FNIP1: variants seen among roughly 807,000 people sequenced by gnomAD.
FNIP1 encodes folliculin interacting protein 1.
FNIP1 carries 40 observed loss-of-function variants against 124.5 expected under a neutral mutation model. That is an observed-to-expected ratio of 0.32 (90% CI 0.25 to 0.42). The LOEUF (loss-of-function observed/expected upper bound fraction) is 0.42. FNIP1 is among the 10% of genes least tolerant of loss of function. The probability of loss-of-function intolerance (pLI) is 1.00; values close to 1 mark genes in which losing one functional copy is unlikely to be tolerated. For missense variants in FNIP1, 1,176 were observed against 1,403.7 expected (o/e 0.84, Z 2.59); for synonymous variants, 472 against 470.6 (o/e 1.00, Z -0.04).
At chr5:131,771,073 C>T (rs535334362) in intron 1 of FNIP1, among the ~76,000 whole-genome samples, 5 of 152,120 alleles carry the variant, frequency 3.3e-5, no homozygotes, top group Admixed American at 1.3e-4. Context: ...TATCTCCCAA[C>T]GCTATCCCTC....
At chr5:131,789,253 C>G (rs919164555) in intron 1 of FNIP1, among the ~76,000 whole-genome samples, 2 of 152,000 alleles carry the variant, frequency 1.3e-5, no homozygotes, top group South Asian at 2.1e-4. Flanking sequence ...TTACAAGAGG[C>G]TGGGACGTGT....
intron 11 of FNIP1, among the ~76,000 whole-genome samples, chr5:131,693,317 C>CATATATATATATACATATATATATATAT (rs1561658252): frequency 2.4e-5 from 1 of 41,594 alleles, no homozygotes; most frequent in African/African-American, 8.9e-5. Flanking sequence ...TATATATATA[C>CATATATATATATACATATATATATATAT]ACATATATAT....
intron 13 of FNIP1, among the ~76,000 whole-genome samples, chr5:131,676,684 A>C (rs1477864104): frequency 1.3e-5 from 2 of 152,096 alleles, no homozygotes; most frequent in Non-Finnish European, 2.9e-5. Flanking sequence ...ATTTGATCCC[A>C]GGGAAATTGG....
At chr5:131,695,011 AC>A in intron 11 of FNIP1, among the ~76,000 whole-genome samples, 1 of 152,036 alleles carries the variant, frequency 6.6e-6, no homozygotes, top group East Asian at 1.9e-4. Context: ...AGGCTGAGGC[AC>A]ATAATCACTT....
chr5:131,690,621 C>T (rs1265123368), intron 11 of FNIP1, among the ~76,000 whole-genome samples: 1 of 152,172 alleles, frequency 6.6e-6, no homozygotes, highest in African/African-American at 2.4e-5. Context: ...CCTCCACAGC[C>T]ATGCTGAACT....
In FNIP1 at chr5:131,672,719, T is replaced by C. The variant is rs760993152; in HGVS notation, c.1725A>G (p.Lys575=). 1 of 1,613,552 alleles carries C rather than the reference T, an allele frequency of 6.2e-7. No individual in the cohort carries two copies. The highest frequency in any genetic ancestry group is 1.3e-5 in the African/African-American group (1 of 74,894). The change falls in exon 14 of 18, where the codon AAA becomes AAG. Residue 575 remains lysine (K), a synonymous_variant. Coordinates refer to ENST00000510461, the MANE Select transcript of FNIP1 (RefSeq NM_133372.3). ...PGTVITTTLE[K]GEIEESEYVL... ...CATACTCTGATTCTTCTATTTCACC[T>C]TTCTCTAAAGTGGTAGTAATTACTG...
chr5:131,748,885 G>GTTA (rs1770775500), intron 1 of FNIP1, among the ~76,000 whole-genome samples: 1 of 152,052 alleles, frequency 6.6e-6, no homozygotes, highest in African/African-American at 2.4e-5. Flanking sequence ...TTCCATGTGT[G>GTTA]TTATTACTCC....
At chr5:131,703,073 C>T (rs553999125) in intron 10 of FNIP1, among the ~76,000 whole-genome samples, 1 of 152,328 alleles carries the variant, frequency 6.6e-6, no homozygotes, top group South Asian at 2.1e-4. Flanking sequence ...TACCCATCTT[C>T]CTTTATCAAA....
intron 15 of FNIP1, among the ~76,000 whole-genome samples, chr5:131,654,934 T>A (rs1767148025): frequency 1.3e-5 from 2 of 152,246 alleles, no homozygotes; most frequent in South Asian, 4.1e-4. Context: ...ATTCAAATAT[T>A]TATTCATCTC....
At chr5:131,708,494 G>A (rs929230000) in intron 8 of FNIP1, among the ~76,000 whole-genome samples, 3 of 152,086 alleles carry the variant, frequency 2.0e-5, no homozygotes, top group Non-Finnish European at 4.4e-5. Flanking sequence ...CTGGATAACT[G>A]CTATTTATTT....
chr5:131,746,191 A>C (rs1212768760), intron 1 of FNIP1, among the ~76,000 whole-genome samples: 2 of 152,214 alleles, frequency 1.3e-5, no homozygotes, highest in South Asian at 4.1e-4. Context: ...ACACAATACA[A>C]ATGACAGGAC....
chr5:131,687,175 G>A (rs752932396), intron 11 of FNIP1, among the ~76,000 whole-genome samples: 4 of 149,786 alleles, frequency 2.7e-5, no homozygotes, highest in Admixed American at 1.3e-4. Flanking sequence ...GCACAATCTC[G>A]GCTCACTGTA....
chr5:131,753,713 T>C (rs1450925826), intron 1 of FNIP1, among the ~76,000 whole-genome samples: 1 of 152,222 alleles, frequency 6.6e-6, no homozygotes, highest in Non-Finnish European at 1.5e-5. Context: ...ATACATTTTA[T>C]TATATGCAAA....
At chr5:131,718,905 C>T (rs903460065) in intron 5 of FNIP1, 81 bp downstream of exon 5, 2 of 1,122,826 alleles carry the variant, frequency 1.8e-6, no homozygotes, top group South Asian at 1.4e-5. Flanking sequence ...ACTTGTGCTG[C>T]AGTCCTAAAA....
intron 4 of FNIP1, 125 bp downstream of exon 4, chr5:131,719,192 C>G: frequency 8.7e-7 from 1 of 1,146,420 alleles, no homozygotes; most frequent in South Asian, 1.4e-5. Context: ...AGCATTAAAA[C>G]CATAGAACAT....
chr5:131,786,732 T>A (rs1004996391), intron 1 of FNIP1, among the ~76,000 whole-genome samples: 1 of 152,196 alleles, frequency 6.6e-6, no homozygotes, highest in Non-Finnish European at 1.5e-5. Flanking sequence ...TAAAAGTGAG[T>A]TCAGCACCCC....
chr5:131,690,179 C>T (rs1219186495), intron 11 of FNIP1, among the ~76,000 whole-genome samples: 4 of 151,950 alleles, frequency 2.6e-5, no homozygotes, highest in East Asian at 1.9e-4. Context: ...GCCAAGATCA[C>T]GCCACTGCAC....
At chr5:131,708,642 G>A (rs995852867) in intron 8 of FNIP1, among the ~76,000 whole-genome samples, 1 of 152,054 alleles carries the variant, frequency 6.6e-6, no homozygotes, top group African/African-American at 2.4e-5. Context: ...AATGACCTAT[G>A]ACAGATGATT....
rs574398055 is a variant in FNIP1 at position 131,777,497 on chromosome 5, C to T, written c.92+19333G>A. 3.9e-5 allele frequency among the ~76,000 whole-genome samples: 6 copies of T among 151,988 alleles called. No individual in the cohort carries two copies. The South Asian group carries it at 1.2e-3, about 32-fold the overall frequency. On this transcript the variant is annotated intron_variant, in intron 1 of 17. Transcript: ENST00000510461. ...GTAATGTGAGAAGAAAATAGGTGCCCATCTAAAAGGGTCCCAACCAGCCAA... is the reference window on the plus strand; with the variant it reads ...GTAATGTGAGAAGAAAATAGGTGCCTATCTAAAAGGGTCCCAACCAGCCAA...
Sources: gnomAD v4.1 joint callset for allele counts (sites outside exome capture counted in the v4.1 genomes callset) on GRCh38, gnomAD v4.1.1 for gene constraint, MANE v1.5 for transcripts, NCBI Gene and HGNC (gene_info 2026-07-23, HGNC 2026-07-21) for gene names.